Variants in TMEM35B observed in about 807,000 individuals in gnomAD.
The protein encoded by TMEM35B is transmembrane protein 35B.
TMEM35B carries 6 observed loss-of-function variants against 8.7 expected under a neutral mutation model. The observed-to-expected ratio is 0.69, with a 90% CI of 0.38 to 1.36. The LOEUF (loss-of-function observed/expected upper bound fraction) is 1.36. Ranked by LOEUF, TMEM35B falls within the 40% of genes most tolerant of loss-of-function variation. TMEM35B has a pLI of 0.02. For synonymous variants in TMEM35B, 89 were observed against 87.0 expected (o/e 1.02, Z -0.13); for missense variants, 176 against 181.6 (o/e 0.97, Z 0.18).
intron 1 of TMEM35B, among the ~76,000 whole-genome samples, chr1:34,984,739 G>C (rs1234427827): frequency 6.6e-6 from 1 of 152,176 alleles, no homozygotes; most frequent in Non-Finnish European, 1.5e-5. Flanking sequence ...TTCCTGACTA[G>C]ATGTGCAATC....
chr1:34,983,766 C>A lies in TMEM35B; in HGVS notation c.289+1G>T, dbSNP rs1055614015. The A allele has an allele frequency of 2.6e-5, 39 of 1,511,360 alleles. No individual in the cohort carries two copies. The Admixed American group carries it at 8.0e-4, about 31-fold the overall frequency. The allele number at this position is 1,511,360 out of a possible 1,614,324, so 93.6% of individuals were successfully genotyped here. On this transcript the variant is annotated splice_donor_variant, in intron 2 of 2. Transcript: ENST00000373337. LOFTEE classifies it high-confidence loss of function. Reference sequence around the variant, plus strand: ...TTTCTCAGGCCAGTTGGCCCCCTTACCCATCATGAGCAGAATCAAGAACAA... The same window carrying A: ...TTTCTCAGGCCAGTTGGCCCCCTTAACCATCATGAGCAGAATCAAGAACAA...
exon 3 of TMEM35B, chr1:34,982,032 T>C: frequency 6.5e-7 from 1 of 1,550,292 alleles, no homozygotes; most frequent in African/African-American, 1.4e-5. Flanking sequence ...CTGGCCGACA[T>C]TCAGCAGCAG....
At chr1:34,985,278 C>G (rs1006971331) in exon 1 of TMEM35B, 1 of 1,542,400 alleles carries the variant, frequency 6.5e-7, no homozygotes, top group Non-Finnish European at 8.7e-7. Flanking sequence ...CCCAGCAGTA[C>G]ACGCAGCACC....
At chr1:34,982,118 C>A (rs1640513368) in exon 3 of TMEM35B, 9 of 1,542,134 alleles carry the variant, frequency 5.8e-6, no homozygotes, top group Non-Finnish European at 7.0e-6. Context: ...TGAAGATAGC[C>A]CCTGGAATGG....
rs1389872096 is a variant in TMEM35B, at chr1:34,982,160, C to G, written c.290-41G>C. Reference sequence around the variant, plus strand: ...AGGTCCCTGAGGCTCCTTGGAAGAACCCAGGAGATCCAGGAGCTCAGGGCT... The same window carrying G: ...AGGTCCCTGAGGCTCCTTGGAAGAAGCCAGGAGATCCAGGAGCTCAGGGCT... On this transcript the variant is annotated intron_variant, in intron 2 of 2. Coordinates refer to ENST00000373337, the Ensembl canonical transcript of TMEM35B. 2.7e-6 allele frequency: 4 copies of G among 1,498,078 alleles called. No homozygotes were observed. In the South Asian group the frequency reaches 4.0e-5, roughly 15 times the overall value. The allele number at this position is 1,498,078 out of a possible 1,614,324, so 92.8% of individuals were successfully genotyped here.
chr1:34,983,521 G>C (rs973792294), intron 2 of TMEM35B, among the ~76,000 whole-genome samples: 18 of 140,910 alleles, frequency 1.3e-4, no homozygotes, highest in African/African-American at 4.2e-4. Flanking sequence ...GGAGGTTGCA[G>C]TGAGCAGAGA....
exon 2 of TMEM35B, chr1:34,983,848 G>C: frequency 6.5e-7 from 1 of 1,546,590 alleles, no homozygotes; most frequent in Non-Finnish European, 8.7e-7. Context: ...CCAGCCAGCA[G>C]TTCCAGAAAG....
exon 1 of TMEM35B, chr1:34,985,283 A>G (rs1557549759): frequency 1.3e-6 from 2 of 1,538,694 alleles, no homozygotes; most frequent in Non-Finnish European, 1.8e-6. Flanking sequence ...CAGTACACGC[A>G]GCACCGAAAG....
exon 3 of TMEM35B, chr1:34,982,056 C>T: frequency 6.5e-7 from 1 of 1,549,700 alleles, no homozygotes; most frequent in Non-Finnish European, 8.7e-7. Context: ...GAACCCCAGG[C>T]AGACAATGGC....
chr1:34,984,243 GCTCCCTAGTGCCAAGGC>G (rs1026731080), intron 1 of TMEM35B, among the ~76,000 whole-genome samples: 2 of 152,184 alleles, frequency 1.3e-5, no homozygotes, highest in Non-Finnish European at 2.9e-5. Flanking sequence ...GCTGGGCTTG[GCTCCCTAGTGCCAAGGC>G]CTGGGGAATT....
chr1:34,984,488 C>A (rs1337489563), intron 1 of TMEM35B, among the ~76,000 whole-genome samples: 1 of 152,224 alleles, frequency 6.6e-6, no homozygotes, highest in African/African-American at 2.4e-5. Flanking sequence ...TGCTGGGAAG[C>A]AGCTCTAAGC....
chr1:34,985,204 C>T (rs1640555052), exon 1 of TMEM35B: 4 of 1,537,492 alleles, frequency 2.6e-6, no homozygotes, highest in Non-Finnish European at 2.6e-6. Context: ...TCACCATCCG[C>T]TCCGAAACTG....
At position 34,985,219 on chromosome 1, in the gene TMEM35B, C is replaced by G. The variant is rs548095208; in HGVS notation, c.87G>C (p.Ser29=). The G allele has an allele frequency of 1.9e-6, 3 of 1,541,378 alleles. No individual in the cohort carries two copies. In the South Asian group the frequency reaches 3.6e-5, roughly 19 times the overall value. ...TCACCATCCGCTCCGAAACTGGAGC[C>G]GAGATCTCCTCCGAGAGCTTGGCCA... Residue 29 remains serine, a synonymous_variant, in exon 1 of 3, where the codon TCG becomes TCC. Coordinates refer to ENST00000373337, the Ensembl canonical transcript of TMEM35B.
chr1:34,981,536 AGT>A (rs1640506711), exon 3 of TMEM35B: 1 of 152,572 alleles, frequency 6.6e-6, no homozygotes, highest in Non-Finnish European at 1.5e-5. Context: ...GACATGAAAC[AGT>A]GTTATAGTTT....
At chr1:34,983,301 G>A (rs1416010173) in intron 2 of TMEM35B, among the ~76,000 whole-genome samples, 2 of 152,110 alleles carry the variant, frequency 1.3e-5, no homozygotes, top group Admixed American at 1.3e-4. Flanking sequence ...GTGCTAGGCC[G>A]GGCATAGTGG....
intron 1 of TMEM35B, among the ~76,000 whole-genome samples, chr1:34,984,721 T>G (rs1640546116): frequency 6.6e-6 from 1 of 152,168 alleles, no homozygotes; most frequent in Non-Finnish European, 1.5e-5. Flanking sequence ...GTCTAGCTTG[T>G]GTCCTGCTTC....
intron 1 of TMEM35B, among the ~76,000 whole-genome samples, chr1:34,984,506 C>T (rs1323113436): frequency 3.9e-5 from 6 of 152,214 alleles, no homozygotes; most frequent in Non-Finnish European, 8.8e-5. Flanking sequence ...AGCTGTCTGT[C>T]TCTGGGGATT....
chr1:34,982,449 CTCCTT>C (rs1279502411), intron 2 of TMEM35B, among the ~76,000 whole-genome samples: 8 of 147,186 alleles, frequency 5.4e-5, no homozygotes, highest in Non-Finnish European at 1.0e-4. Context: ...CCTGATCCTT[CTCCTT>C]TCCTTTTTTT....
chr1:34,984,042 TC>T, intron 1 of TMEM35B, 95 bp from the exon 2 acceptor site: 1 of 1,232,542 alleles, frequency 8.1e-7, no homozygotes, highest in African/African-American at 1.6e-5. Flanking sequence ...GCCCTCAACT[TC>T]CCAGAGAAAA....
Sources: allele counts gnomAD v4.1 joint callset (sites outside exome capture counted in the v4.1 genomes callset), GRCh38; gene constraint gnomAD v4.1.1; transcripts MANE v1.5; gene names NCBI Gene and HGNC (gene_info 2026-07-23, HGNC 2026-07-21).